EVC: variants seen among roughly 807,000 people sequenced by gnomAD.
The protein encoded by EVC is EvC ciliary complex subunit 1, also known as evC complex member EVC.
Under a neutral mutation model 118.9 loss-of-function variants are expected in EVC, and 116 were observed. The observed-to-expected ratio is 0.98, with a 90% CI of 0.84 to 1.14. The LOEUF (loss-of-function observed/expected upper bound fraction) is 1.14, where lower values mean the gene tolerates loss of function less well. EVC is among the 50% of genes most tolerant of loss of function. The probability of loss-of-function intolerance (pLI) is 0.00; values close to 1 mark genes in which losing one functional copy is unlikely to be tolerated. For missense variants in EVC, 1,401 were observed against 1,246.4 expected (o/e 1.12, Z -1.87); for synonymous variants, 619 against 534.7 (o/e 1.16, Z -2.18).
intron 11 of EVC, among the ~76,000 whole-genome samples, chr4:5,776,421 C>G (rs1440090965): frequency 6.6e-6 from 1 of 152,014 alleles, no homozygotes; most frequent in Non-Finnish European, 1.5e-5. Flanking sequence ...AAATATTTAC[C>G]TGAGTAGCAT....
intron 5 of EVC, 99 bp downstream of exon 5, chr4:5,733,534 A>AC: frequency 9.5e-7 from 1 of 1,051,480 alleles, no homozygotes. Flanking sequence ...TGAGAGGCAG[A>AC]CATCAGTGGA....
intron 11 of EVC, among the ~76,000 whole-genome samples, chr4:5,768,830 C>T (rs1733463164): frequency 1.6e-5 from 1 of 61,454 alleles, no homozygotes; most frequent in South Asian, 3.5e-4. Flanking sequence ...GTACTCTAGC[C>T]TGGTGACAGA....
intron 2 of EVC, among the ~76,000 whole-genome samples, chr4:5,722,636 G>A (rs372384960): frequency 4.6e-5 from 7 of 152,224 alleles, no homozygotes; most frequent in Admixed American, 2.6e-4. Flanking sequence ...CACAGCCTCC[G>A]TCTCTCCATC....
Position 5,793,696 on chromosome 4 carries a change from G to T in EVC, c.1865G>T (p.Arg622Leu). ...HEGTIRGVLG[R>L]LGGLTEESTR... is the part of the protein sequence containing the mutation. ...GGCACCATCCGCGGCGTCTTGGGCC[G>T]ACTGGGCGGCCTCACTGAAGAGTGA... The change falls in exon 13 of 21, where the codon CGA (arginine) becomes CTA (leucine). Residue 622 changes from arginine (R) to leucine (L), a missense_variant. Arg to Leu is a moderately radical substitution (Grantham distance 102). Transcript: ENST00000264956. 2 of 1,550,770 alleles carry T rather than the reference G, an allele frequency of 1.3e-6. No individual in the cohort carries two copies. The highest frequency in any genetic ancestry group is 1.2e-5 in the South Asian group (1 of 84,008).
chr4:5,767,021 T>C (rs900135714), intron 11 of EVC, among the ~76,000 whole-genome samples: 4 of 150,276 alleles, frequency 2.7e-5, no homozygotes, highest in African/African-American at 9.8e-5. Context: ...TTTTTCCCCA[T>C]CTTTGTGGTT....
the EVC span, chr4:5,824,768 T>A: frequency 1.0e-6 from 1 of 984,366 alleles, no homozygotes; most frequent in Non-Finnish European, 1.2e-6. Context: ...CCCAGCACGG[T>A]GTGCAACCCA....
intron 11 of EVC, among the ~76,000 whole-genome samples, chr4:5,771,879 T>TTTTTA (rs900856703): frequency 2.7e-5 from 4 of 146,724 alleles, no homozygotes; most frequent in African/African-American, 7.8e-5. Flanking sequence ...GGAATGTGGC[T>TTTTTA]TTTTATTTTA....
the EVC span, among the ~76,000 whole-genome samples, chr4:5,822,216 T>C: frequency 6.6e-6 from 1 of 152,226 alleles, no homozygotes; most frequent in Non-Finnish European, 1.5e-5. Flanking sequence ...AATCATACTA[T>C]GAAGGGGGTG....
At position 5,719,347 on chromosome 4, in the gene EVC, A is replaced by G. The variant is rs1468764381; in HGVS notation, c.274A>G (p.Met92Val). ...AAGGAGGAGGAAGAGAGAAGTGCAG[A>G]TGTCGAAGGACAAGGAAGCTGTTGA... ...PSRRRKREVQ[M>V]SKDKEAVDEC... is the part of the protein sequence containing the mutation. The change falls in exon 2 of 21, where the codon ATG (methionine) becomes GTG (valine). Residue 92 changes from methionine (M) to valine (V), a missense_variant. Physicochemically the swap from Met to Val is conservative, Grantham distance 21. Transcript: ENST00000264956. This position sits in a 1 kb window ranked among gnomAD's most constrained non-coding sequence, Gnocchi z 4.7. 1 of 1,614,096 alleles carries G rather than the reference A, an allele frequency of 6.2e-7. No homozygotes were observed. The highest frequency in any genetic ancestry group is 8.5e-7 in the Non-Finnish European group (1 of 1,180,050).
chr4:5,760,114 T>G (rs1010170178), intron 11 of EVC, among the ~76,000 whole-genome samples: 1 of 152,092 alleles, frequency 6.6e-6, no homozygotes, highest in African/African-American at 2.4e-5. Context: ...AGCAGAGAGA[T>G]AACTGTGAAT....
Position 5,749,341 on chromosome 4 carries a change from G to GA in EVC, c.1098+1054dup, listed in dbSNP as rs57482108. ...TAACACTAACGATAGCTGATGAGCGGAAAAAAAAAAAAAAAAAAAGGTCCC... is the reference window on the plus strand; with the variant it reads ...TAACACTAACGATAGCTGATGAGCGGAAAAAAAAAAAAAAAAAAAAGGTCCC... On this transcript the variant is annotated intron_variant, in intron 8 of 20. Coordinates refer to ENST00000264956, the MANE Select transcript of EVC (RefSeq NM_153717.3). The surrounding 1 kb of genome is among the most constrained non-coding windows in gnomAD (Gnocchi z 4.4). 0.044 allele frequency among the ~76,000 whole-genome samples: 5,403 copies of GA among 121,650 alleles called. 367 individuals are homozygous for GA. The highest frequency in any genetic ancestry group is 0.12 in the African/African-American group (3,807 of 31,178). The allele number at this position is 121,650 out of a possible 152,430, so 79.8% of individuals were successfully genotyped here.
At chr4:5,821,837 CATCT>C in the EVC span, 1 of 1,589,510 alleles carries the variant, frequency 6.3e-7, no homozygotes, top group Non-Finnish European at 8.5e-7. This position sits in a 1 kb window ranked among gnomAD's most constrained non-coding sequence, Gnocchi z 4.4. Context: ...GGATTGTTGT[CATCT>C]ATCTGGGCAC....
At chr4:5,739,897 C>T (rs1179985473) in intron 5 of EVC, among the ~76,000 whole-genome samples, 1 of 47,012 alleles carries the variant, frequency 2.1e-5, no homozygotes, top group Non-Finnish European at 3.7e-5. Flanking sequence ...GAAACCCCAT[C>T]TCAAAAAAAA....
intron 11 of EVC, among the ~76,000 whole-genome samples, chr4:5,770,005 G>T (rs894681215): frequency 2.6e-5 from 4 of 152,116 alleles, no homozygotes; most frequent in Non-Finnish European, 5.9e-5. Context: ...CTCAGGGCCA[G>T]GCTGATGATA....
intron 12 of EVC, among the ~76,000 whole-genome samples, chr4:5,784,156 C>G (rs1206163070): frequency 6.6e-6 from 1 of 152,074 alleles, no homozygotes; most frequent in East Asian, 1.9e-4. Flanking sequence ...TGGATTTATG[C>G]TGAGACAGAA....
At chr4:5,806,028 C>T (rs1163085869) in intron 17 of EVC, among the ~76,000 whole-genome samples, 1 of 151,438 alleles carries the variant, frequency 6.6e-6, no homozygotes, top group Non-Finnish European at 1.5e-5. Context: ...TCATCATCCA[C>T]TCCCCTCCCA....
chr4:5,717,295 C>G (rs1023469553), intron 1 of EVC, among the ~76,000 whole-genome samples: 1 of 151,966 alleles, frequency 6.6e-6, no homozygotes, highest in Non-Finnish European at 1.5e-5. Flanking sequence ...AATGGAATAC[C>G]TTCTCTGATC....
At chr4:5,828,654 G>A in the EVC span, 1 of 1,614,054 alleles carries the variant, frequency 6.2e-7, no homozygotes, top group South Asian at 1.1e-5. Flanking sequence ...CCTCGAAGAT[G>A]TTGTACTCCA....
Position 5,765,293 on chromosome 4 carries a change from T to C in EVC, c.1563+8931T>C, listed in dbSNP as rs1415790663. 3.4e-5 allele frequency among the ~76,000 whole-genome samples: 4 copies of C among 117,404 alleles called. 1 individual carries two copies. The highest frequency in any genetic ancestry group is 1.3e-4 in the African/African-American group (4 of 30,062). 77.0% of individuals were successfully genotyped at this position (117,404 alleles called of 152,430 possible). On this transcript the variant is annotated intron_variant, in intron 11 of 20. Coordinates refer to ENST00000264956, the MANE Select transcript of EVC (RefSeq NM_153717.3). ...TAGTTTGTTATAAATTCTATTCTTT[T>C]ACATTTGCTGAGGAGAGCATTACTT...
Sources: gnomAD v4.1 joint callset for allele counts (sites outside exome capture counted in the v4.1 genomes callset) on GRCh38, gnomAD v4.1.1 for gene constraint, Gnocchi (gnomAD v3.1) non-coding constraint, MANE v1.5 for transcripts, NCBI Gene and HGNC (gene_info 2026-07-23, HGNC 2026-07-21) for gene names.